Variants in OR11A1 observed in about 807,000 individuals in gnomAD.
The protein encoded by OR11A1 is olfactory receptor family 11 subfamily A member 1.
For synonymous variants in OR11A1, 158 were observed against 152.2 expected (o/e 1.04, Z -0.28); for missense variants, 380 against 378.2 (o/e 1.00, Z -0.04).
chr6:29,440,499 A>G, intron 1 of OR11A1: 1 of 1,613,472 alleles, frequency 6.2e-7, no homozygotes, highest in Non-Finnish European at 8.5e-7. Context: ...CACCCCTTTC[A>G]TCTTCTCTTT....
chr6:29,456,023 A>G (rs1410999931), intron 1 of OR11A1, among the ~76,000 whole-genome samples: 1 of 151,980 alleles, frequency 6.6e-6, no homozygotes, highest in African/African-American at 2.4e-5. Context: ...TGAAATCAGG[A>G]GTTCGAGATC....
intron 1 of OR11A1, among the ~76,000 whole-genome samples, chr6:29,434,558 G>A (rs1783489842): frequency 6.6e-6 from 1 of 152,182 alleles, no homozygotes; most frequent in Non-Finnish European, 1.5e-5. Context: ...TGATCATGGT[G>A]AAAGATCCTT....
At chr6:29,435,726 G>A (rs544948969) in intron 1 of OR11A1, among the ~76,000 whole-genome samples, 1 of 152,266 alleles carries the variant, frequency 6.6e-6, no homozygotes, top group African/African-American at 2.4e-5. Context: ...GCTCTTTGTG[G>A]TTTCTGTTAG....
intron 1 of OR11A1, among the ~76,000 whole-genome samples, chr6:29,442,437 T>G (rs73398966): frequency 0.051 from 7,712 of 152,256 alleles, 376 homozygotes; most frequent in African/African-American, 0.12. Context: ...TCTACATACT[T>G]TATATCATTC....
Position 29,440,278 on chromosome 6 carries a change from G to A in OR11A1, c.-388-8291C>T, listed in dbSNP as rs140077218. ...CTACTTCACCACCTCCTTACTGGCC[G>A]GCGCCACATCTCTCGCTCTGGATGT... On this transcript the variant is annotated intron_variant, in intron 1 of 4. Coordinates refer to ENST00000377149, the MANE Select transcript of OR11A1 (RefSeq NM_001394828.1). The A allele has an allele frequency of 3.7e-5, 59 of 1,613,878 alleles. No homozygotes were observed. The African/African-American group carries it at 4.7e-4, about 13-fold the overall frequency.
chr6:29,427,746 A>G lies in OR11A1; in HGVS notation c.-91-14T>C. ...ACGTTATTAGAGCTAAAACAAAACA[A>G]AACAAAAAAGACAAAAATGAGTCTC... On this transcript the variant is annotated splice_polypyrimidine_tract_variant and intron_variant, in intron 4 of 4. Coordinates refer to ENST00000377149, the MANE Select transcript of OR11A1 (RefSeq NM_001394828.1). 1 of 1,454,448 alleles carries G rather than the reference A, an allele frequency of 6.9e-7. No individual in the cohort carries two copies. The highest frequency in any genetic ancestry group is 2.5e-5 in the East Asian group (1 of 40,522). The allele number at this position is 1,454,448 out of a possible 1,614,324, so 90.1% of individuals were successfully genotyped here.
At chr6:29,445,265 A>G (rs984593420) in intron 1 of OR11A1, among the ~76,000 whole-genome samples, 10 of 152,164 alleles carry the variant, frequency 6.6e-5, no homozygotes, top group African/African-American at 2.4e-4. Flanking sequence ...TTGGCCTCCC[A>G]AAGAGCTGGG....
Position 29,427,066 on chromosome 6 carries a change from A to AT in OR11A1, c.575dup (p.Asp192GlufsTer121). 1 of 1,612,350 alleles carries AT rather than the reference A, an allele frequency of 6.2e-7. No homozygotes were observed. The highest frequency in any genetic ancestry group is 8.5e-7 in the Non-Finnish European group (1 of 1,180,000). ...GAGTTGTCACCTGAGCCACTCTGGG[A>AT]TCCGAGCAAGCCAGGCCCACGAAAA... On this transcript the variant is annotated frameshift_variant, in exon 5 of 5. Transcript: ENST00000377149. LOFTEE classifies it low-confidence loss of function (END_TRUNC).
chr6:29,433,490 G>A (rs1783390281), intron 1 of OR11A1, among the ~76,000 whole-genome samples: 1 of 152,128 alleles, frequency 6.6e-6, no homozygotes. Flanking sequence ...ATTCATCCAT[G>A]TTGTTGCAAA....
At chr6:29,431,663 T>C (rs912661914) in intron 2 of OR11A1, among the ~76,000 whole-genome samples, 3 of 152,106 alleles carry the variant, frequency 2.0e-5, no homozygotes, top group Non-Finnish European at 2.9e-5. Context: ...AAACATCCAA[T>C]GGAGAAAAGA....
At chr6:29,456,156 G>A (rs959055920) in intron 1 of OR11A1, among the ~76,000 whole-genome samples, 1 of 151,152 alleles carries the variant, frequency 6.6e-6, no homozygotes, top group African/African-American at 2.4e-5. Flanking sequence ...CTTGAACCTG[G>A]GAGGCGGAGG....
At chr6:29,442,275 A>C (rs73398960) in intron 1 of OR11A1, among the ~76,000 whole-genome samples, 7,718 of 152,266 alleles carry the variant, frequency 0.051, 380 homozygotes, top group African/African-American at 0.12. Flanking sequence ...ATATGAGCCA[A>C]AAACTACCAA....
intron 1 of OR11A1, chr6:29,439,315 G>A (rs554750060): frequency 1.3e-5 from 2 of 152,320 alleles, no homozygotes; most frequent in South Asian, 4.1e-4. Flanking sequence ...GCAGAAATAA[G>A]CAATTAAGGA....
Position 29,426,841 on chromosome 6 carries a change from A to G in OR11A1, c.801T>C (p.His267=). The G allele has an allele frequency of 1.2e-6, 2 of 1,613,138 alleles. No individual in the cohort carries two copies. Among genetic ancestry groups the G allele is most frequent in the Non-Finnish European group, 1.7e-6 (2 of 1,180,028 alleles). ...AGAAGACCTTGGAGAGGAGCTGGGA[A>G]TGGACAGCAGAGGGTGCAACATAAA... ...MIFYVAPSAV[H]SQLLSKVFSL... Residue 267 remains histidine (H), a synonymous_variant, in exon 5 of 5, where the codon CAT becomes CAC. Coordinates refer to ENST00000377149, the MANE Select transcript of OR11A1 (RefSeq NM_001394828.1).
intron 2 of OR11A1, among the ~76,000 whole-genome samples, chr6:29,431,288 CATGTT>C (rs143044233): frequency 0.03 from 4,510 of 152,018 alleles, 151 homozygotes; most frequent in African/African-American, 0.083. Flanking sequence ...GCTAAACAAA[CATGTT>C]ATGTTTGTAA....
chr6:29,453,905 A>ACTTTT lies in OR11A1; in HGVS notation c.-389+3081_-389+3082insAAAAG, dbSNP rs1489768092. On this transcript the variant is annotated intron_variant, in intron 1 of 4. Coordinates refer to ENST00000377149, the MANE Select transcript of OR11A1 (RefSeq NM_001394828.1). This position sits in a 1 kb window ranked among gnomAD's most constrained non-coding sequence, Gnocchi z 4.5. ...TCAAAAGTATTTGACCAAAACCTTC[A>ACTTTT]CCCAATCATTGACTGAACACTAAGC... is the stretch of plus-strand genomic sequence containing the variant. Among the ~76,000 whole-genome samples the ACTTTT allele has an allele frequency of 2.0e-5, 3 of 152,156 alleles. No individual in the cohort carries two copies. Among genetic ancestry groups the ACTTTT allele is most frequent in the African/African-American group, 7.2e-5 (3 of 41,442 alleles).
At chr6:29,433,053 A>G (rs1783337724) in intron 1 of OR11A1, among the ~76,000 whole-genome samples, 1 of 152,156 alleles carries the variant, frequency 6.6e-6, no homozygotes, top group African/African-American at 2.4e-5. Context: ...CATTATTATG[A>G]TTTTTAATTG....
At position 29,426,341 on chromosome 6, in the gene OR11A1, A is replaced by G. The variant is rs951997449; in HGVS notation, c.*353T>C. The G allele has an allele frequency of 4.6e-6, 1 of 218,686 alleles. No homozygotes were observed. Among genetic ancestry groups the G allele is most frequent in the Admixed American group, 5.3e-5 (1 of 19,034 alleles). The allele number at this position is 218,686 out of a possible 1,614,324, so 13.5% of individuals were successfully genotyped here. A position where few individuals can be genotyped will look rare whatever the true frequency, so the allele number is the denominator to read the frequency against. ...GGAGCTAAATTATGAAAACATATGG[A>G]TACATAGAGGGGAACAACACACTGA... is the stretch of plus-strand genomic sequence containing the variant. On this transcript the variant is annotated 3_prime_UTR_variant, in exon 5 of 5. Coordinates refer to ENST00000377149, the MANE Select transcript of OR11A1 (RefSeq NM_001394828.1).
At position 29,453,251 on chromosome 6, in the gene OR11A1, G is replaced by A. The variant is rs192822571; in HGVS notation, c.-389+3736C>T. Among the ~76,000 whole-genome samples, 138 of 151,248 alleles carry A rather than the reference G, an allele frequency of 9.1e-4. No individual in the cohort carries two copies. The highest frequency in any genetic ancestry group is 3.2e-3 in the African/African-American group (131 of 41,418). On this transcript the variant is annotated intron_variant, in intron 1 of 4. Coordinates refer to ENST00000377149, the MANE Select transcript of OR11A1 (RefSeq NM_001394828.1). The surrounding 1 kb of genome is among the most constrained non-coding windows in gnomAD (Gnocchi z 4.5). ...AATTCACCAGATATGGTGAATTAAAGAGGACAGCAAATCCTTCCTTCCTCC... is the reference window on the plus strand; with the variant it reads ...AATTCACCAGATATGGTGAATTAAAAAGGACAGCAAATCCTTCCTTCCTCC...
Sources: gnomAD v4.1 joint callset for allele counts (sites outside exome capture counted in the v4.1 genomes callset) on GRCh38, gnomAD v4.1.1 for gene constraint, Gnocchi (gnomAD v3.1) non-coding constraint, MANE v1.5 for transcripts, NCBI Gene and HGNC (gene_info 2026-07-23, HGNC 2026-07-21) for gene names.